SAPCD2: variants seen among roughly 807,000 people sequenced by gnomAD.
SAPCD2 encodes the protein suppressor APC domain-containing protein 2.
In SAPCD2, 34 loss-of-function variants were observed where a neutral mutation model predicts 37.8. That is an observed-to-expected ratio of 0.90 (90% CI 0.68 to 1.20). SAPCD2 has a LOEUF of 1.20. SAPCD2 is among the 50% of genes most tolerant of loss of function. SAPCD2 has a pLI of 0.00. For synonymous variants in SAPCD2, 275 were observed against 270.3 expected, an observed-to-expected ratio of 1.02 and a Z score of -0.17; for missense variants, 572 against 584.7, an observed-to-expected ratio of 0.98 and a Z score of 0.22.
At chr9:137,067,151 C>G (rs542683364) in intron 1 of SAPCD2, among the ~76,000 whole-genome samples, 11 of 151,994 alleles carry the variant, frequency 7.2e-5, no homozygotes, top group Non-Finnish European at 1.5e-4. Context: ...CCATGCCCAG[C>G]TACTTTTTGT....
At chr9:137,066,728 A>C (rs570231157) in intron 1 of SAPCD2, among the ~76,000 whole-genome samples, 1 of 152,276 alleles carries the variant, frequency 6.6e-6, no homozygotes, top group Admixed American at 6.5e-5. Flanking sequence ...CAGCTGGGTA[A>C]GGGAGGAGTG....
intron 4 of SAPCD2, 28 bp downstream of exon 4, chr9:137,065,050 T>G (rs778401814): frequency 1.1e-4 from 158 of 1,500,328 alleles, no homozygotes; most frequent in Non-Finnish European, 1.4e-4. Flanking sequence ...GGCCCCAGCG[T>G]GGGTGTGGGG....
rs142770970 is a variant in SAPCD2 at position 137,066,729 on chromosome 9, G to A, written c.572-355C>T. On this transcript the variant is annotated intron_variant, in intron 1 of 5. Transcript: ENST00000409687. Reference sequence around the variant, plus strand: ...CTGGGTCTCCAAGGCAGCTGGGTAAGGGAGGAGTGGGCGGGGGGGTTCTGG... The same window carrying A: ...CTGGGTCTCCAAGGCAGCTGGGTAAAGGAGGAGTGGGCGGGGGGGTTCTGG... 4.2e-3 allele frequency among the ~76,000 whole-genome samples: 645 copies of A among 152,356 alleles called. 4 individuals are homozygous for A. The highest frequency in any genetic ancestry group is 0.015 in the African/African-American group (617 of 41,572).
Position 137,066,378 on chromosome 9 carries a change from T to C in SAPCD2, c.572-4A>G. The C allele has an allele frequency of 6.3e-7, 1 of 1,587,936 alleles. No individual in the cohort carries two copies. The highest frequency in any genetic ancestry group is 8.6e-7 in the Non-Finnish European group (1 of 1,165,814). On this transcript the variant is annotated splice_region_variant and splice_polypyrimidine_tract_variant and intron_variant, in intron 1 of 5. Coordinates refer to ENST00000409687, the MANE Select transcript of SAPCD2 (RefSeq NM_178448.4). The stretch of plus-strand genomic sequence containing the variant: ...AGGGCCCTGCACGCCACTGCACCTG[T>C]TATGGAGAGGCATGGGCCTGGCTCA...
chr9:137,066,984 C>A (rs1163128948), intron 1 of SAPCD2, among the ~76,000 whole-genome samples: 6 of 151,996 alleles, frequency 3.9e-5, no homozygotes, highest in Admixed American at 3.9e-4. Flanking sequence ...TGGCAAAACC[C>A]CATTTCTTCC....
intron 1 of SAPCD2, among the ~76,000 whole-genome samples, chr9:137,068,884 A>G (rs538708750): frequency 1.4e-4 from 21 of 152,356 alleles, no homozygotes; most frequent in African/African-American, 3.8e-4. Context: ...TCACCATAGA[A>G]CTAGGGGTCC....
At chr9:137,066,741 C>CG (rs1029820537) in intron 1 of SAPCD2, among the ~76,000 whole-genome samples, 29 of 152,200 alleles carry the variant, frequency 1.9e-4, no homozygotes, top group South Asian at 2.1e-4. Context: ...GAGGAGTGGG[C>CG]GGGGGGGTTC....
chr9:137,069,802 A>C, intron 1 of SAPCD2, 88 bp downstream of exon 1: 1 of 938,310 alleles, frequency 1.1e-6, no homozygotes, highest in Non-Finnish European at 1.4e-6. Context: ...CCCTTGTGGG[A>C]AATGCACGGG....
At chr9:137,069,768 C>G (rs1832597267) in intron 1 of SAPCD2, 122 bp downstream of exon 1, 1 of 702,780 alleles carries the variant, frequency 1.4e-6, no homozygotes, top group South Asian at 7.1e-5. Context: ...CCGGAGTCCA[C>G]GAAGAGCCGC....
chr9:137,069,578 C>T (rs1480316452), intron 1 of SAPCD2, among the ~76,000 whole-genome samples: 1 of 152,218 alleles, frequency 6.6e-6, no homozygotes, highest in Non-Finnish European at 1.5e-5. Flanking sequence ...AGCCCAAGCT[C>T]AGGCTTGGTA....
At chr9:137,067,746 G>A (rs1370300230) in intron 1 of SAPCD2, among the ~76,000 whole-genome samples, 1 of 124,722 alleles carries the variant, frequency 8.0e-6, no homozygotes, top group Non-Finnish European at 1.6e-5. Flanking sequence ...CTGCACTCCA[G>A]CCTGGGCGAC....
rs1030327510 is a variant in SAPCD2, at chr9:137,062,588, C to T, written c.*2071G>A. On this transcript the variant is annotated 3_prime_UTR_variant, in exon 6 of 6. Transcript: ENST00000409687. The stretch of plus-strand genomic sequence containing the variant: ...ACAGTGTGCACGCACGTGTATGTAC[C>T]TGCACACGCTACTGGCACCTCGCGG... The T allele has an allele frequency of 3.9e-5, 6 of 152,232 alleles. No homozygotes were observed. The highest frequency in any genetic ancestry group is 1.4e-4 in the African/African-American group (6 of 41,456). The allele number at this position is 152,232 out of a possible 1,614,324, so 9.4% of individuals were successfully genotyped here. A position where few individuals can be genotyped will look rare whatever the true frequency, so the allele number is the denominator to read the frequency against.
In SAPCD2 at chr9:137,064,388, G is replaced by T; in HGVS notation, c.*271C>A. The stretch of plus-strand genomic sequence containing the variant: ...GGGTACCCCACTGTCCACTGACAGC[G>T]GCAGTAGTAGCTGCGGACTATGCGG... On this transcript the variant is annotated 3_prime_UTR_variant, in exon 6 of 6. Transcript: ENST00000409687. The T allele has an allele frequency of 3.7e-6, 2 of 539,124 alleles. No homozygotes were observed. The highest frequency in any genetic ancestry group is 6.7e-6 in the Non-Finnish European group (2 of 298,782). 33.4% of individuals were successfully genotyped at this position (539,124 alleles called of 1,614,324 possible). A position where few individuals can be genotyped will look rare whatever the true frequency, so the allele number is the denominator to read the frequency against.
At chr9:137,066,899 G>C (rs1039249598) in intron 1 of SAPCD2, among the ~76,000 whole-genome samples, 1 of 152,172 alleles carries the variant, frequency 6.6e-6, no homozygotes, top group African/African-American at 2.4e-5. Flanking sequence ...GCTCACGCCT[G>C]TAATCCCAGC....
In SAPCD2 at chr9:137,064,125, G is replaced by C. The variant is rs867475; in HGVS notation, c.*534C>G. ...TCCCTGGGGCTCCCCAGCCAGGCAGGCACCCCCCGCTTACAGGCCGTCCCC... is the reference window on the plus strand; with the variant it reads ...TCCCTGGGGCTCCCCAGCCAGGCAGCCACCCCCCGCTTACAGGCCGTCCCC... On this transcript the variant is annotated 3_prime_UTR_variant, in exon 6 of 6. Transcript: ENST00000409687. 5,651 of 175,918 alleles carry C rather than the reference G, an allele frequency of 0.032. 326 individuals are homozygous for C. Among genetic ancestry groups the C allele is most frequent in the African/African-American group, 0.13 (5,226 of 41,598 alleles). 10.9% of individuals were successfully genotyped at this position (175,918 alleles called of 1,614,324 possible).
chr9:137,069,337 C>G (rs1451675934), intron 1 of SAPCD2, among the ~76,000 whole-genome samples: 1 of 152,208 alleles, frequency 6.6e-6, no homozygotes, highest in East Asian at 1.9e-4. Context: ...GGAGATCCAC[C>G]CACGCCCCTG....
At chr9:137,069,733 G>A (rs978029309) in intron 1 of SAPCD2, among the ~76,000 whole-genome samples, 157 bp downstream of exon 1, 1 of 152,218 alleles carries the variant, frequency 6.6e-6, no homozygotes, top group Non-Finnish European at 1.5e-5. Flanking sequence ...TTTCCCTCCA[G>A]ACCCGCCGAG....
At position 137,065,165 on chromosome 9, in the gene SAPCD2, G is replaced by T. The variant is rs779648765; in HGVS notation, c.852C>A (p.Ser284Arg). The change falls in exon 4 of 6, where the codon AGC becomes AGA. Residue 284 changes from serine to arginine, a missense_variant. Coordinates refer to ENST00000409687, the MANE Select transcript of SAPCD2 (RefSeq NM_178448.4). The part of the protein sequence containing the change: ...RASADFGAAG[S>R]PRPLGRLLPK... The stretch of plus-strand genomic sequence containing the variant: ...GCAGTAGCCGCCCCAGTGGGCGGGG[G>T]CTCCCTGCAGCCCCAAAGTCCTGGG... The T allele has an allele frequency of 1.0e-5, 15 of 1,487,476 alleles. No individual in the cohort carries two copies. Among genetic ancestry groups the T allele is most frequent in the Non-Finnish European group, 8.9e-7 (1 of 1,120,472 alleles). The allele number at this position is 1,487,476 out of a possible 1,614,324, so 92.1% of individuals were successfully genotyped here.
chr9:137,065,262 C>A, intron 3 of SAPCD2, 77 bp from the exon 4 acceptor site: 2 of 1,099,162 alleles, frequency 1.8e-6, no homozygotes, highest in South Asian at 3.3e-5. Flanking sequence ...TAGGGGTTCC[C>A]ACAGGTGGCT....
Sources: allele counts gnomAD v4.1 joint callset (sites outside exome capture counted in the v4.1 genomes callset), GRCh38; gene constraint gnomAD v4.1.1; transcripts MANE v1.5; gene names NCBI Gene and HGNC (gene_info 2026-07-23, HGNC 2026-07-21).